The following DRG2 variants were observed in gnomAD, a reference collection of about 807,000 sequenced individuals.
DRG2 encodes the protein developmentally regulated GTP binding protein 2.
DRG2 carries 36 observed loss-of-function variants against 53.4 expected under a neutral mutation model. The observed-to-expected ratio is 0.67, with a 90% CI of 0.52 to 0.89. The LOEUF (loss-of-function observed/expected upper bound fraction) is 0.89, where lower values mean the gene tolerates loss of function less well. Ranked by LOEUF, DRG2 falls within the 40% of genes least tolerant of loss-of-function variation. DRG2 has a pLI of 0.00. For synonymous variants in DRG2, 167 were observed against 192.1 expected, an observed-to-expected ratio of 0.87 and a Z score of 1.08; for missense variants, 342 against 481.2, an observed-to-expected ratio of 0.71 and a Z score of 2.71.
At chr17:18,104,412 G>A (rs573408945) in intron 10 of DRG2, 243 of 1,114,188 alleles carry the variant, frequency 2.2e-4, no homozygotes, top group South Asian at 3.3e-4. Context: ...AATCCTAGAC[G>A]TGATTTATTT....
Position 18,098,578 on chromosome 17 carries a change from A to C in DRG2, c.315+219A>C, listed in dbSNP as rs761426807. On this transcript the variant is annotated intron_variant, in intron 3 of 12. Coordinates refer to ENST00000225729, the MANE Select transcript of DRG2 (RefSeq NM_001388.5). This position sits in a 1 kb window ranked among gnomAD's most constrained non-coding sequence, Gnocchi z 4.1. ...CCTGGAACTAGGAGGTCAGGCCAGC[A>C]TGTGGCTACTTTGCCTGGCGCCCCC... 2.0e-6 allele frequency: 1 copy of C among 511,308 alleles called. No homozygotes were observed. The highest frequency in any genetic ancestry group is 3.6e-6 in the Non-Finnish European group (1 of 280,780). The allele number at this position is 511,308 out of a possible 1,614,324, so 31.7% of individuals were successfully genotyped here. A position where few individuals can be genotyped will look rare whatever the true frequency, so the allele number is the denominator to read the frequency against.
At chr17:18,089,399 C>T (rs1010059461) in intron 1 of DRG2, among the ~76,000 whole-genome samples, 4 of 152,164 alleles carry the variant, frequency 2.6e-5, no homozygotes, top group Admixed American at 6.6e-5. Flanking sequence ...CTCGGCCTCC[C>T]AAAGTGCTGG....
Position 18,099,400 on chromosome 17 carries a change from G to T in DRG2, c.377-233G>T. On this transcript the variant is annotated intron_variant, in intron 4 of 12. Transcript: ENST00000225729. The surrounding 1 kb of genome is among the most constrained non-coding windows in gnomAD (Gnocchi z 4.4). ...GGGCCCTGCCACATGGTAGGGGTGG[G>T]CGTAGGACAGCCGTTATTATCCTGT... 1.6e-6 allele frequency: 1 copy of T among 624,734 alleles called. No individual in the cohort carries two copies. Among genetic ancestry groups the T allele is most frequent in the Non-Finnish European group, 2.8e-6 (1 of 350,958 alleles). The allele number at this position is 624,734 out of a possible 1,614,324, so 38.7% of individuals were successfully genotyped here.
chr17:18,099,221 T>G lies in DRG2; in HGVS notation c.376+144T>G, dbSNP rs960610854. On this transcript the variant is annotated intron_variant, in intron 4 of 12. Coordinates refer to ENST00000225729, the MANE Select transcript of DRG2 (RefSeq NM_001388.5). The surrounding 1 kb of genome is among the most constrained non-coding windows in gnomAD (Gnocchi z 4.4). ...AAAAGACAGGTTCCAGTTCAAATCC[T>G]TGGCACCAAACTAGCCTTGTGATCT... 3.7e-6 allele frequency: 4 copies of G among 1,088,834 alleles called. No individual in the cohort carries two copies. In the South Asian group the frequency reaches 6.0e-5, roughly 16 times the overall value. 67.4% of individuals were successfully genotyped at this position (1,088,834 alleles called of 1,614,324 possible). A position where few individuals can be genotyped will look rare whatever the true frequency, so the allele number is the denominator to read the frequency against.
At chr17:18,102,831 G>T (rs1181840040) in intron 9 of DRG2, among the ~76,000 whole-genome samples, 2 of 152,210 alleles carry the variant, frequency 1.3e-5, no homozygotes, top group East Asian at 3.9e-4. Context: ...CTGGGGTACC[G>T]CCTGCACTCT....
rs2045478796 is a variant in DRG2, at chr17:18,098,935, A to G, written c.316-82A>G. On this transcript the variant is annotated intron_variant, in intron 3 of 12. Coordinates refer to ENST00000225729, the MANE Select transcript of DRG2 (RefSeq NM_001388.5). The surrounding 1 kb of genome is among the most constrained non-coding windows in gnomAD (Gnocchi z 4.1). ...CCCTCAGCCCCTGAGCCCCGGGGCC[A>G]TTCCAGATGTCCCAGATCCAGACAG... 9.8e-6 allele frequency: 15 copies of G among 1,537,622 alleles called. 1 individual carries two copies. In the South Asian group the frequency reaches 1.7e-4, roughly 17 times the overall value.
chr17:18,093,388 C>T lies in DRG2; in HGVS notation c.65-425C>T, dbSNP rs199631102. 5.4e-4 allele frequency among the ~76,000 whole-genome samples: 82 copies of T among 150,832 alleles called. No individual in the cohort carries two copies. The East Asian group carries it at 0.012, about 22-fold the overall frequency. ...AAGCTGGAGTGCAATGACGTGATCT[C>T]GGCTCACCACAACCTCTGCCTCCTG... On this transcript the variant is annotated intron_variant, in intron 1 of 12. Coordinates refer to ENST00000225729, the MANE Select transcript of DRG2 (RefSeq NM_001388.5).
intron 2 of DRG2, chr17:18,096,111 T>G (rs1313346482): frequency 3.3e-5 from 5 of 152,246 alleles, no homozygotes; most frequent in Non-Finnish European, 7.3e-5. Flanking sequence ...GTGCCATTTT[T>G]ATCACATCGC....
intron 2 of DRG2, chr17:18,096,404 G>A (rs1193571866): frequency 6.6e-6 from 1 of 152,192 alleles, no homozygotes; most frequent in Non-Finnish European, 1.5e-5. Context: ...TTCGTGGGGG[G>A]TTATTTTGTG....
chr17:18,107,449 A>G lies in DRG2; in HGVS notation c.*209A>G. ...CTCGGTTGGAGGCATTTCCCATAAG[A>G]CTGAGCCCTCTCATGGGGGTTTTGA... On this transcript the variant is annotated 3_prime_UTR_variant, in exon 13 of 13. Coordinates refer to ENST00000225729, the MANE Select transcript of DRG2 (RefSeq NM_001388.5). The G allele has an allele frequency of 1.7e-6, 1 of 598,050 alleles. No individual in the cohort carries two copies. Among genetic ancestry groups the G allele is most frequent in the Non-Finnish European group, 3.0e-6 (1 of 334,986 alleles). The allele number at this position is 598,050 out of a possible 1,614,324, so 37.0% of individuals were successfully genotyped here.
chr17:18,089,281 G>A (rs915993185), intron 1 of DRG2, among the ~76,000 whole-genome samples: 11 of 152,144 alleles, frequency 7.2e-5, no homozygotes, highest in African/African-American at 2.4e-4. Flanking sequence ...GGGATTACAG[G>A]CACGTGCCAC....
rs2142184466 is a variant in DRG2 at position 18,093,796 on chromosome 17, T to C, written c.65-17T>C. The C allele has an allele frequency of 6.2e-7, 1 of 1,611,820 alleles. No individual in the cohort carries two copies. Among genetic ancestry groups the C allele is most frequent in the Admixed American group, 1.7e-5 (1 of 59,890 alleles). On this transcript the variant is annotated splice_polypyrimidine_tract_variant and intron_variant, in intron 1 of 12. Coordinates refer to ENST00000225729, the MANE Select transcript of DRG2 (RefSeq NM_001388.5). ...CACCCTGGCCACTCATCTTCTGTCT[T>C]GCTTTCCATCCTTTAGCCACTGAGT...
At chr17:18,104,797 T>C in intron 11 of DRG2, 116 bp downstream of exon 11, 1 of 1,535,440 alleles carries the variant, frequency 6.5e-7, no homozygotes, top group Non-Finnish European at 8.8e-7. Context: ...CACTCTCAGA[T>C]GTCAACGCAG....
At chr17:18,102,053 G>A in intron 9 of DRG2, 56 bp downstream of exon 9, 1 of 1,552,032 alleles carries the variant, frequency 6.4e-7, no homozygotes. Context: ...TCTGACCCCA[G>A]TCGTCAGGCC....
chr17:18,104,012 C>A, intron 10 of DRG2, 123 bp downstream of exon 10: 2 of 906,832 alleles, frequency 2.2e-6, no homozygotes, highest in South Asian at 1.5e-5. Context: ...AGACACACCT[C>A]AGCTCTTTTC....
intron 1 of DRG2, among the ~76,000 whole-genome samples, chr17:18,088,383 G>C (rs2142174181): frequency 6.6e-6 from 1 of 152,280 alleles, no homozygotes; most frequent in Non-Finnish European, 1.5e-5. Context: ...GGCGGAGCTG[G>C]GGTTCAAACC....
At chr17:18,090,400 ATATATATTTTTTTT>A (rs2045309327) in intron 1 of DRG2, among the ~76,000 whole-genome samples, 1 of 10,054 alleles carries the variant, frequency 9.9e-5, no homozygotes, top group African/African-American at 8.3e-4. Flanking sequence ...ATATATATAT[ATATATATTTTTTTT>A]TTTTTTTTTT....
chr17:18,099,495 A>T lies in DRG2; in HGVS notation c.377-138A>T. The T allele has an allele frequency of 1.1e-6, 1 of 870,920 alleles. No individual in the cohort carries two copies. The highest frequency in any genetic ancestry group is 1.9e-6 in the Non-Finnish European group (1 of 536,226). The allele number at this position is 870,920 out of a possible 1,614,324, so 53.9% of individuals were successfully genotyped here. A position where few individuals can be genotyped will look rare whatever the true frequency, so the allele number is the denominator to read the frequency against. ...TCTCCGTCAGTAAAACATGTGGATT[A>T]AAGAAAAATGCCAAGCTTGTGCTAG... On this transcript the variant is annotated intron_variant, in intron 4 of 12. Coordinates refer to ENST00000225729, the MANE Select transcript of DRG2 (RefSeq NM_001388.5). This position sits in a 1 kb window ranked among gnomAD's most constrained non-coding sequence, Gnocchi z 4.4.
rs1195175054 is a variant in DRG2 at position 18,099,797 on chromosome 17, G to A, written c.467+74G>A. On this transcript the variant is annotated intron_variant, in intron 5 of 12. Transcript: ENST00000225729. The surrounding 1 kb of genome is among the most constrained non-coding windows in gnomAD (Gnocchi z 4.4). Reference sequence around the variant, plus strand: ...ATGTGTCCCTGAGCTCGTACTAGGCGGCCTGTGGGTGTTTGGCTCTCTCAC... The same window carrying A: ...ATGTGTCCCTGAGCTCGTACTAGGCAGCCTGTGGGTGTTTGGCTCTCTCAC... 21 of 1,474,340 alleles carry A rather than the reference G, an allele frequency of 1.4e-5. No individual in the cohort carries two copies. The highest frequency in any genetic ancestry group is 2.2e-4 in the Middle Eastern group (1 of 4,568). The allele number at this position is 1,474,340 out of a possible 1,614,324, so 91.3% of individuals were successfully genotyped here. A position where few individuals can be genotyped will look rare whatever the true frequency, so the allele number is the denominator to read the frequency against.
Sources: allele counts gnomAD v4.1 joint callset (sites outside exome capture counted in the v4.1 genomes callset), GRCh38; gene constraint gnomAD v4.1.1; non-coding constraint Gnocchi (gnomAD v3.1); transcripts MANE v1.5; gene names NCBI Gene and HGNC (gene_info 2026-07-23, HGNC 2026-07-21).